CD81: variants seen among roughly 807,000 people sequenced by gnomAD.
CD81 encodes CD81 molecule.
Under a neutral mutation model 30.1 loss-of-function variants are expected in CD81, and 10 were observed. The ratio of observed to expected loss-of-function variants is 0.33; its 90% CI spans 0.21 to 0.56. The LOEUF is 0.56. Among genes scored for constraint, CD81 ranks in the 20% least tolerant of loss-of-function variants. The probability of loss-of-function intolerance (pLI) is 0.89; values close to 1 mark genes in which losing one functional copy is unlikely to be tolerated. For synonymous variants in CD81, 147 were observed against 126.4 expected, an observed-to-expected ratio of 1.16 and a Z score of -1.10; for missense variants, 263 against 308.7, an observed-to-expected ratio of 0.85 and a Z score of 1.11.
chr11:2,385,520 G>A (rs1020610336), intron 1 of CD81: 5 of 260,226 alleles, frequency 1.9e-5, no homozygotes, highest in Admixed American at 1.0e-4. Flanking sequence ...CTATGCACCC[G>A]TGCTGTGGCG....
chr11:2,383,146 G>A (rs192545014), intron 1 of CD81, among the ~76,000 whole-genome samples: 16 of 152,330 alleles, frequency 1.1e-4, no homozygotes, highest in Middle Eastern at 3.4e-3. Flanking sequence ...TGAGACAGGC[G>A]GCTTCCTCGG....
intron 5 of CD81, 38 bp downstream of exon 5, chr11:2,395,558 C>CG: frequency 6.6e-7 from 1 of 1,513,436 alleles, no homozygotes; most frequent in Non-Finnish European, 9.2e-7. Flanking sequence ...AGCAGGGCCC[C>CG]GGGAACCCGG....
chr11:2,378,453 G>A lies in CD81; in HGVS notation c.66+838G>A, dbSNP rs1849639293. Among the ~76,000 whole-genome samples the A allele has an allele frequency of 6.6e-6, 1 of 152,224 alleles. No individual in the cohort carries two copies. On this transcript the variant is annotated intron_variant, in intron 1 of 7. Transcript: ENST00000263645. The surrounding 1 kb of genome is among the most constrained non-coding windows in gnomAD (Gnocchi z 4.9). ...CGGGAGTGGGGCCGCTGCTTTGCAAGAGGGGCCCCCACGCTGGGCATCTTT... is the reference window on the plus strand; with the variant it reads ...CGGGAGTGGGGCCGCTGCTTTGCAAAAGGGGCCCCCACGCTGGGCATCTTT...
In CD81 at chr11:2,378,933, C is replaced by G. The variant is rs1190477291; in HGVS notation, c.66+1318C>G. On this transcript the variant is annotated intron_variant, in intron 1 of 7. Transcript: ENST00000263645. The surrounding 1 kb of genome is among the most constrained non-coding windows in gnomAD (Gnocchi z 4.9). ...GACGGAGGCTGAACTGAACTCTCAG[C>G]TGGGAGATGAGTGGGGCAGTCACAT... Among the ~76,000 whole-genome samples the G allele has an allele frequency of 2.0e-5, 3 of 152,336 alleles. No individual in the cohort carries two copies. The highest frequency in any genetic ancestry group is 2.1e-4 in the South Asian group (1 of 4,832).
chr11:2,388,128 C>CCTCAACCT (rs1849829056), intron 1 of CD81, among the ~76,000 whole-genome samples: 3 of 152,318 alleles, frequency 2.0e-5, no homozygotes, highest in East Asian at 1.9e-4. Context: ...CTCACTGTAG[C>CCTCAACCT]CTCAACCTCC....
At chr11:2,382,499 C>T (rs1849722297) in intron 1 of CD81, 1 of 152,322 alleles carries the variant, frequency 6.6e-6, no homozygotes, top group African/African-American at 2.4e-5. Context: ...CTGCTTCCCT[C>T]TTCCTCAGCC....
intron 1 of CD81, among the ~76,000 whole-genome samples, chr11:2,380,593 G>A (rs191015385): frequency 1.3e-5 from 2 of 152,320 alleles, no homozygotes; most frequent in South Asian, 2.1e-4. Flanking sequence ...CAAGCAGGGA[G>A]GACATTGCAG....
Position 2,397,331 on chromosome 11 carries a change from C to T in CD81, c.*465C>T, listed in dbSNP as rs750711443. ...CATGCACCTGTCCTTTCTAACACGT[C>T]GCCTTCAACTGTAATCACAACATCC... is the stretch of plus-strand genomic sequence containing the variant. On this transcript the variant is annotated 3_prime_UTR_variant, in exon 8 of 8. Coordinates refer to ENST00000263645, the MANE Select transcript of CD81 (RefSeq NM_004356.4). 8.2e-5 allele frequency: 18 copies of T among 219,478 alleles called. No homozygotes were observed. Among genetic ancestry groups the T allele is most frequent in the Non-Finnish European group, 3.7e-5 (4 of 108,180 alleles). The allele number at this position is 219,478 out of a possible 1,614,324, so 13.6% of individuals were successfully genotyped here.
intron 1 of CD81, 160 bp from the exon 2 acceptor site, chr11:2,390,252 G>C: frequency 1.4e-6 from 1 of 709,046 alleles, no homozygotes; most frequent in Non-Finnish European, 2.6e-6. Flanking sequence ...TGACTCCCGG[G>C]GCTCTTCAGG....
chr11:2,395,121 G>C, intron 4 of CD81, 75 bp downstream of exon 4: 1 of 1,270,770 alleles, frequency 7.9e-7, no homozygotes. Context: ...GGTGGGGGTT[G>C]GGCTGACTCA....
chr11:2,396,085 CA>C, intron 6 of CD81, 115 bp downstream of exon 6: 1 of 589,930 alleles, frequency 1.7e-6, no homozygotes, highest in East Asian at 3.8e-5. Flanking sequence ...CACTGGGTGG[CA>C]TGGCCCCTGT....
chr11:2,384,150 AAC>A (rs1189586352), intron 1 of CD81, among the ~76,000 whole-genome samples: 1 of 152,146 alleles, frequency 6.6e-6, no homozygotes, highest in African/African-American at 2.4e-5. Context: ...GAAAGAAAGA[AAC>A]AATCCTTCAT....
rs1244304650 is a variant in CD81, at chr11:2,377,641, C to A, written c.66+26C>A. 5 of 1,430,778 alleles carry A rather than the reference C, an allele frequency of 3.5e-6. No individual in the cohort carries two copies. The highest frequency in any genetic ancestry group is 4.8e-6 in the Non-Finnish European group (5 of 1,045,138). The allele number at this position is 1,430,778 out of a possible 1,614,324, so 88.6% of individuals were successfully genotyped here. ...GTAAGGGCTGCGCCGGGGGCCGGGGCGGGAGGGGGCAGGCACACACTCCAC... is the reference window on the plus strand; with the variant it reads ...GTAAGGGCTGCGCCGGGGGCCGGGGAGGGAGGGGGCAGGCACACACTCCAC... On this transcript the variant is annotated intron_variant, in intron 1 of 7. Transcript: ENST00000263645. The surrounding 1 kb of genome is among the most constrained non-coding windows in gnomAD (Gnocchi z 7.7).
intron 1 of CD81, chr11:2,385,939 T>C (rs1182824157): frequency 4.4e-6 from 3 of 677,812 alleles, no homozygotes; most frequent in Non-Finnish European, 8.3e-6. Flanking sequence ...AGCTGGGTCA[T>C]GTGGTGAATG....
In CD81 at chr11:2,396,881, G is replaced by A. The variant is rs1451121769; in HGVS notation, c.*15G>A. On this transcript the variant is annotated 3_prime_UTR_variant, in exon 8 of 8. Transcript: ENST00000263645. ...CCGTGTACTGAGGCCCCGCAGCTCT[G>A]GCCACAGGGACCTCTGCAGTGCCCC... 1 of 1,611,772 alleles carries A rather than the reference G, an allele frequency of 6.2e-7. No individual in the cohort carries two copies. The highest frequency in any genetic ancestry group is 8.5e-7 in the Non-Finnish European group (1 of 1,179,636).
rs995585947 is a variant in CD81, at chr11:2,378,561, A to C, written c.66+946A>C. 6.6e-6 allele frequency among the ~76,000 whole-genome samples: 1 copy of C among 152,096 alleles called. No individual in the cohort carries two copies. The highest frequency in any genetic ancestry group is 2.4e-5 in the African/African-American group (1 of 41,416). ...AGTCTTTGCTGCTGGGAAGTGACTG[A>C]TGGGCTTTCGCCTTTTGTTTCCATT... On this transcript the variant is annotated intron_variant, in intron 1 of 7. Transcript: ENST00000263645. This position sits in a 1 kb window ranked among gnomAD's most constrained non-coding sequence, Gnocchi z 4.9.
intron 1 of CD81, among the ~76,000 whole-genome samples, chr11:2,382,216 C>G (rs1849716609): frequency 6.6e-6 from 1 of 152,264 alleles, no homozygotes; most frequent in Non-Finnish European, 1.5e-5. Context: ...ATCTGCCCCC[C>G]ACCCCCACCC....
At position 2,377,937 on chromosome 11, in the gene CD81, A is replaced by C; in HGVS notation, c.66+322A>C. 1 of 159,980 alleles carries C rather than the reference A, an allele frequency of 6.3e-6. No homozygotes were observed. Among genetic ancestry groups the C allele is most frequent in the Non-Finnish European group, 1.4e-5 (1 of 73,708 alleles). The allele number at this position is 159,980 out of a possible 1,614,324, so 9.9% of individuals were successfully genotyped here. ...GGTGGTCGCGGGTCGGGACCCGAGT[A>C]CCCGGCCGCCCCTCAGCTAAGGAGG... On this transcript the variant is annotated intron_variant, in intron 1 of 7. Coordinates refer to ENST00000263645, the MANE Select transcript of CD81 (RefSeq NM_004356.4). The surrounding 1 kb of genome is among the most constrained non-coding windows in gnomAD (Gnocchi z 7.7).
At chr11:2,385,959 C>T (rs1469261259) in intron 1 of CD81, 1 of 690,490 alleles carries the variant, frequency 1.4e-6, no homozygotes, top group Non-Finnish European at 2.7e-6. Flanking sequence ...GTGGGTTTCA[C>T]TGCTTAAGCA....
Sources: gnomAD v4.1 joint callset for allele counts (sites outside exome capture counted in the v4.1 genomes callset) on GRCh38, gnomAD v4.1.1 for gene constraint, Gnocchi (gnomAD v3.1) non-coding constraint, MANE v1.5 for transcripts, NCBI Gene and HGNC (gene_info 2026-07-23, HGNC 2026-07-21) for gene names.